The following CLDN11 variants were observed in gnomAD, a reference collection of about 807,000 sequenced individuals.
The protein encoded by CLDN11 is claudin 11, also known as claudin-11.
A neutral mutation model predicts 18.0 loss-of-function variants in CLDN11; 1 was observed. The observed-to-expected ratio is 0.06, with a 90% CI of 0.02 to 0.26. The LOEUF (loss-of-function observed/expected upper bound fraction) is 0.26. Among genes scored for constraint, CLDN11 ranks in the 10% least tolerant of loss-of-function variants. The pLI, the probability that CLDN11 is intolerant of heterozygous loss-of-function variation, is 1.00. For missense variants in CLDN11, 172 were observed against 276.6 expected, an observed-to-expected ratio of 0.62 and a Z score of 2.68; for synonymous variants, 116 against 121.5, an observed-to-expected ratio of 0.96 and a Z score of 0.30.
intron 2 of CLDN11, among the ~76,000 whole-genome samples, chr3:170,432,277 A>G (rs1250151432): frequency 6.6e-6 from 1 of 152,228 alleles, no homozygotes; most frequent in Non-Finnish European, 1.5e-5. Context: ...GTTTATTTCT[A>G]GGTTTTTACA....
At position 170,432,504 on chromosome 3, in the gene CLDN11, G is replaced by T. The variant is rs371975234; in HGVS notation, c.392-20G>T. 129 of 1,610,088 alleles carry T rather than the reference G, an allele frequency of 8.0e-5. No individual in the cohort carries two copies. The highest frequency in any genetic ancestry group is 1.1e-4 in the Non-Finnish European group (126 of 1,179,952). On this transcript the variant is annotated intron_variant, in intron 2 of 2. Coordinates refer to ENST00000064724, the MANE Select transcript of CLDN11 (RefSeq NM_005602.6). ...TGTGTGATGGTTGCGCCCAGTCACC[G>T]CCTCTCCATGTCTCTCCAGCTCTCT...
At chr3:170,425,626 C>T (rs1738836110) in intron 2 of CLDN11, among the ~76,000 whole-genome samples, 1 of 152,122 alleles carries the variant, frequency 6.6e-6, no homozygotes, top group African/African-American at 2.4e-5. Flanking sequence ...TGGGTGAGTG[C>T]CTCAGTCCCT....
chr3:170,420,206 G>A (rs1490096757), intron 1 of CLDN11, among the ~76,000 whole-genome samples: 2 of 152,256 alleles, frequency 1.3e-5, no homozygotes, highest in African/African-American at 2.4e-5. Flanking sequence ...CCTCAATTCA[G>A]ATTTAAACCA....
In CLDN11 at chr3:170,419,810, T is replaced by C. The variant is rs1042287793; in HGVS notation, c.226+518T>C. On this transcript the variant is annotated intron_variant, in intron 1 of 2. Coordinates refer to ENST00000064724, the MANE Select transcript of CLDN11 (RefSeq NM_005602.6). This position sits in a 1 kb window ranked among gnomAD's most constrained non-coding sequence, Gnocchi z 8.6. ...AGCGCCCCCGGCCAGGTTAGAGCCC[T>C]CCTAGCTCCGTCCGCGCAGCCGCTG... 6.6e-6 allele frequency among the ~76,000 whole-genome samples: 1 copy of C among 152,238 alleles called. No homozygotes were observed. The highest frequency in any genetic ancestry group is 2.4e-5 in the African/African-American group (1 of 41,470).
At chr3:170,421,237 C>T in intron 1 of CLDN11, 2 of 982,662 alleles carry the variant, frequency 2.0e-6, no homozygotes, top group Non-Finnish European at 2.4e-6. Context: ...GTCCTCTGTC[C>T]CTATCTTTTG....
At chr3:170,422,254 C>T (rs964969071) in intron 1 of CLDN11, among the ~76,000 whole-genome samples, 3 of 72,376 alleles carry the variant, frequency 4.1e-5, no homozygotes, top group African/African-American at 7.2e-5. Flanking sequence ...AAGATGAAAG[C>T]GCTGCACTGA....
chr3:170,432,202 A>T (rs535529252), intron 2 of CLDN11, among the ~76,000 whole-genome samples: 2 of 152,392 alleles, frequency 1.3e-5, no homozygotes, highest in South Asian at 2.1e-4. Context: ...TTTTAGAATT[A>T]TAACTGTAGA....
intron 2 of CLDN11, 132 bp from the exon 3 acceptor site, chr3:170,432,392 C>G: frequency 1.4e-6 from 2 of 1,476,010 alleles, no homozygotes; most frequent in Middle Eastern, 2.1e-4. Context: ...GTTGAGGGAG[C>G]AGAACTGTGT....
chr3:170,424,439 C>T (rs951939251), intron 2 of CLDN11, among the ~76,000 whole-genome samples: 1 of 152,110 alleles, frequency 6.6e-6, no homozygotes, highest in Non-Finnish European at 1.5e-5. Flanking sequence ...GGCATGTGCT[C>T]ATTTGGTTTT....
At position 170,423,252 on chromosome 3, in the gene CLDN11, A is replaced by C; in HGVS notation, c.316A>C (p.Ile106Leu). 6.2e-7 allele frequency: 1 copy of C among 1,614,120 alleles called. No homozygotes were observed. Among genetic ancestry groups the C allele is most frequent in the Non-Finnish European group, 8.5e-7 (1 of 1,180,014 alleles). ...ACTGCTGCTGACTGTTCTTCCCTGC[A>C]TCCGGATGGGCCAGGAGCCCGGTGT... is the stretch of plus-strand genomic sequence containing the variant. The part of the protein sequence containing the change: ...ILLLLTVLPC[I>L]RMGQEPGVAK... The change falls in exon 2 of 3, where the codon ATC becomes CTC. Residue 106 changes from isoleucine (I) to leucine (L), a missense_variant. Transcript: ENST00000064724.
chr3:170,425,172 A>G (rs538497356), intron 2 of CLDN11, among the ~76,000 whole-genome samples: 37 of 152,188 alleles, frequency 2.4e-4, no homozygotes, highest in Non-Finnish European at 4.6e-4. Flanking sequence ...AAGCTCCACA[A>G]GTAAACTTGG....
At chr3:170,430,158 A>T (rs1738962066) in intron 2 of CLDN11, among the ~76,000 whole-genome samples, 1 of 152,218 alleles carries the variant, frequency 6.6e-6, no homozygotes, top group South Asian at 2.1e-4. Flanking sequence ...CGGAAAATCT[A>T]CAGTAGTTCT....
intron 2 of CLDN11, among the ~76,000 whole-genome samples, chr3:170,426,602 C>T (rs146305614): frequency 2.0e-5 from 3 of 152,116 alleles, no homozygotes; most frequent in African/African-American, 7.2e-5. Context: ...GGAACAATAA[C>T]GCCTGCTTCT....
At chr3:170,431,335 T>C (rs1738997231) in intron 2 of CLDN11, among the ~76,000 whole-genome samples, 1 of 152,216 alleles carries the variant, frequency 6.6e-6, no homozygotes, top group Non-Finnish European at 1.5e-5. Flanking sequence ...AATTTGTTGA[T>C]GGAAACCTCA....
chr3:170,423,231 C>T lies in CLDN11; in HGVS notation c.295C>T (p.Leu99=), dbSNP rs1306206855. Residue 99 remains leucine (L), a synonymous_variant, in exon 2 of 3, where the codon CTG becomes TTG. Transcript: ENST00000064724. ...SVLGLPAILL[L]LTVLPCIRMG... ...CCTGGGTCTGCCGGCCATTTTACTG[C>T]TGCTGACTGTTCTTCCCTGCATCCG... 4.3e-6 allele frequency: 7 copies of T among 1,614,242 alleles called. No homozygotes were observed. The highest frequency in any genetic ancestry group is 5.9e-6 in the Non-Finnish European group (7 of 1,180,040).
rs1739041940 is a variant in CLDN11 at position 170,433,040 on chromosome 3, ATATAT to A, written c.*290_*294del. ...GGCATTCTTTTGCTGTTTATTAAAA[ATATAT>A]TATATATATTTTGTTTCTTTAAATT... On this transcript the variant is annotated 3_prime_UTR_variant, in exon 3 of 3. Coordinates refer to ENST00000064724, the MANE Select transcript of CLDN11 (RefSeq NM_005602.6). 2 of 174,726 alleles carry A rather than the reference ATATAT, an allele frequency of 1.1e-5. No individual in the cohort carries two copies. The highest frequency in any genetic ancestry group is 6.4e-5 in the Admixed American group (1 of 15,516). 10.8% of individuals were successfully genotyped at this position (174,726 alleles called of 1,614,324 possible).
In CLDN11 at chr3:170,433,134, T is replaced by TTTC. The variant is rs1340382806; in HGVS notation, c.*380_*381insCTT. 2.9e-5 allele frequency: 3 copies of TTTC among 103,318 alleles called. No individual in the cohort carries two copies. The highest frequency in any genetic ancestry group is 5.5e-5 in the Non-Finnish European group (3 of 54,792). 6.4% of individuals were successfully genotyped at this position (103,318 alleles called of 1,614,324 possible). ...GGGGAAGAGAAATACAAGATACTTT[T>TTTC]TTTTTTTTTTTTTTTTTTTTTTTTT... On this transcript the variant is annotated 3_prime_UTR_variant, in exon 3 of 3. Transcript: ENST00000064724.
Position 170,423,321 on chromosome 3 carries a change from C to T in CLDN11, c.385C>T (p.Leu129=), listed in dbSNP as rs771599857. The T allele has an allele frequency of 2.5e-6, 4 of 1,614,188 alleles. No homozygotes were observed. The Admixed American group carries it at 6.7e-5, about 27-fold the overall frequency. The change falls in exon 2 of 3, where the codon CTG becomes TTG. Residue 129 remains leucine (L), a synonymous_variant. Transcript: ENST00000064724. ...RAQLAGVLLI[L]LALCALVATI... is the part of the protein sequence containing the mutation. The stretch of plus-strand genomic sequence containing the variant: ...CCAGCTGGCTGGTGTTTTGCTCATT[C>T]TGCTGGGTAAGACAGCTTTCTCAGT...
chr3:170,434,378 T>G lies in CLDN11; in HGVS notation c.*1622T>G, dbSNP rs1739082558. ...AATGGGCAGCAATCAGAAACAAAGT[T>G]CTCAGCATTATGCAGTTAATGTCCT... On this transcript the variant is annotated 3_prime_UTR_variant, in exon 3 of 3. Coordinates refer to ENST00000064724, the MANE Select transcript of CLDN11 (RefSeq NM_005602.6). 1.3e-5 allele frequency among the ~76,000 whole-genome samples: 2 copies of G among 152,224 alleles called. No homozygotes were observed. The highest frequency in any genetic ancestry group is 4.8e-5 in the African/African-American group (2 of 41,460).
Sources: gnomAD v4.1 joint callset for allele counts (sites outside exome capture counted in the v4.1 genomes callset) on GRCh38, gnomAD v4.1.1 for gene constraint, Gnocchi (gnomAD v3.1) non-coding constraint, MANE v1.5 for transcripts, NCBI Gene and HGNC (gene_info 2026-07-23, HGNC 2026-07-21) for gene names.